Variants in FBXL18 observed in about 807,000 individuals in gnomAD.
FBXL18 encodes F-box and leucine rich repeat protein 18, also known as F-box/LRR-repeat protein 18.
FBXL18 carries 36 observed loss-of-function variants against 46.0 expected under a neutral mutation model. The ratio of observed to expected loss-of-function variants is 0.78; its 90% CI spans 0.60 to 1.03. FBXL18 has a LOEUF of 1.03. Ranked by LOEUF, FBXL18 falls within the 50% of genes least tolerant of loss-of-function variation. The probability of loss-of-function intolerance (pLI) is 0.00; values close to 1 mark genes in which losing one functional copy is unlikely to be tolerated. For synonymous variants in FBXL18, 557 were observed against 465.3 expected (o/e 1.20, Z -2.54); for missense variants, 977 against 1,004.1 (o/e 0.97, Z 0.36).
chr7:5,509,229 CCA>C (rs1223030468), intron 1 of FBXL18, among the ~76,000 whole-genome samples: 1 of 151,344 alleles, frequency 6.6e-6, no homozygotes, highest in East Asian at 1.9e-4. Flanking sequence ...CATATAGATT[CCA>C]CAGTTACACG....
rs766570461 is a variant in FBXL18 at position 5,501,876 on chromosome 7, G to A, written c.393C>T (p.Leu131=). The A allele has an allele frequency of 6.2e-7, 1 of 1,603,086 alleles. No homozygotes were observed. Among genetic ancestry groups the A allele is most frequent in the Non-Finnish European group, 8.5e-7 (1 of 1,175,984 alleles). Residue 131 remains leucine, a synonymous_variant, in exon 3 of 5, where the codon CTC becomes CTT. Transcript: ENST00000382368. ...LVKVNLSGCH[L]TSLRLSKMLS... Reference sequence around the variant, plus strand: ...GCATCTTGGAGAGGCGCAGGGAAGTGAGGTGGCAGCCCGAGAGGTTCACCT... The same window carrying A: ...GCATCTTGGAGAGGCGCAGGGAAGTAAGGTGGCAGCCCGAGAGGTTCACCT...
intron 4 of FBXL18, among the ~76,000 whole-genome samples, chr7:5,456,065 G>A (rs1157349671): frequency 2.6e-5 from 4 of 152,036 alleles, no homozygotes; most frequent in South Asian, 2.1e-4. Flanking sequence ...CCCAACCTCC[G>A]TTCTGCACTG....
At chr7:5,473,760 CAAAA>C (rs1195674210), downstream of FBXL18, among the ~76,000 whole-genome samples, 2 of 58,130 alleles carry the variant, frequency 3.4e-5, no homozygotes, top group Non-Finnish European at 3.6e-5. Flanking sequence ...GACTCCATCT[CAAAA>C]AAAAAAAAAA....
intron 4 of FBXL18, among the ~76,000 whole-genome samples, chr7:5,467,445 C>T (rs1001913984): frequency 1.3e-5 from 2 of 151,542 alleles, no homozygotes; most frequent in Non-Finnish European, 2.9e-5. Context: ...ACTCGGGAGG[C>T]TGAGGCAGGA....
rs59873304 is a variant in FBXL18, at chr7:5,476,891, GT to G, written c.*4883del. On this transcript the variant is annotated 3_prime_UTR_variant, in exon 5 of 5. Coordinates refer to ENST00000382368, the MANE Select transcript of FBXL18 (RefSeq NM_024963.6). Reference sequence around the variant, plus strand: ...CCCAGTAGATCTAGAAACTTCTTTTGTTTTTTTTTTTTTTGAGACGGAGTCT... The same window carrying G: ...CCCAGTAGATCTAGAAACTTCTTTTGTTTTTTTTTTTTTGAGACGGAGTCT... 81 of 138,382 alleles carry G rather than the reference GT, an allele frequency of 5.9e-4. No homozygotes were observed. The highest frequency in any genetic ancestry group is 3.9e-3 in the Middle Eastern group (1 of 256). 8.6% of individuals were successfully genotyped at this position (138,382 alleles called of 1,614,324 possible). A position where few individuals can be genotyped will look rare whatever the true frequency, so the allele number is the denominator to read the frequency against.
At chr7:5,464,638 G>A (rs529815993) in intron 4 of FBXL18, among the ~76,000 whole-genome samples, 57 of 139,654 alleles carry the variant, frequency 4.1e-4, no homozygotes, top group African/African-American at 1.4e-3. Flanking sequence ...ACTCTAGCCT[G>A]GGCCAATGAG....
intron 2 of FBXL18, among the ~76,000 whole-genome samples, 156 bp from the exon 3 acceptor site, chr7:5,502,187 G>A (rs1318863100): frequency 6.6e-6 from 1 of 151,268 alleles, no homozygotes; most frequent in Admixed American, 6.6e-5. Context: ...CTCTGACCTG[G>A]AGCCAAGAGT....
At chr7:5,472,190 C>T (rs567185675), downstream of FBXL18, among the ~76,000 whole-genome samples, 1 of 152,126 alleles carries the variant, frequency 6.6e-6, no homozygotes, top group Non-Finnish European at 1.5e-5. Flanking sequence ...ACCCCCAGCA[C>T]GCCCCTCAGC....
At position 5,483,605 on chromosome 7, in the gene FBXL18, A is replaced by G. The variant is rs1401827676; in HGVS notation, c.2001-1674T>C. On this transcript the variant is annotated intron_variant, in intron 4 of 4. Coordinates refer to ENST00000382368, the MANE Select transcript of FBXL18 (RefSeq NM_024963.6). ...ACTAATAATACAAAATTAGCCGGGC[A>G]TGGTGGTGCATGCCTGTAATCCCAG... 2.6e-5 allele frequency among the ~76,000 whole-genome samples: 4 copies of G among 151,934 alleles called. No individual in the cohort carries two copies. In the East Asian group the frequency reaches 5.8e-4, roughly 22 times the overall value.
chr7:5,470,950 G>A (rs939320315), downstream of FBXL18, among the ~76,000 whole-genome samples: 1 of 152,068 alleles, frequency 6.6e-6, no homozygotes, highest in Middle Eastern at 3.2e-3. Flanking sequence ...TCTGAGTAGG[G>A]ACTCCCCTCC....
chr7:5,465,240 G>A (rs923284174), intron 4 of FBXL18, among the ~76,000 whole-genome samples: 2 of 151,880 alleles, frequency 1.3e-5, no homozygotes, highest in African/African-American at 2.4e-5. Flanking sequence ...GTGCTCTGTC[G>A]CCCAGGCTGC....
chr7:5,511,657 A>G (rs1784536524), intron 1 of FBXL18, among the ~76,000 whole-genome samples: 1 of 151,416 alleles, frequency 6.6e-6, no homozygotes, highest in Non-Finnish European at 1.5e-5. Flanking sequence ...AGTCCCAGCT[A>G]CTTGAGAGGC....
intron 1 of FBXL18, among the ~76,000 whole-genome samples, chr7:5,507,463 G>A (rs1784421155): frequency 6.6e-6 from 1 of 152,090 alleles, no homozygotes; most frequent in African/African-American, 2.4e-5. Context: ...CAAAGGACAT[G>A]GCCCGTAAGG....
intron 1 of FBXL18, among the ~76,000 whole-genome samples, chr7:5,507,302 G>T (rs1282924254): frequency 6.6e-6 from 1 of 152,136 alleles, no homozygotes; most frequent in Non-Finnish European, 1.5e-5. Flanking sequence ...AACTCTGACT[G>T]CGACAGTCCT....
chr7:5,508,871 T>A (rs1421003005), intron 1 of FBXL18, among the ~76,000 whole-genome samples: 1 of 152,008 alleles, frequency 6.6e-6, no homozygotes, highest in Non-Finnish European at 1.5e-5. Context: ...AATGAGAACT[T>A]AGGGCAAAAC....
intron 4 of FBXL18, chr7:5,490,078 C>A: frequency 7.4e-7 from 1 of 1,359,396 alleles, no homozygotes; most frequent in Non-Finnish European, 9.8e-7. Flanking sequence ...CAGCGGCCGA[C>A]CGCAAGGACA....
intron 4 of FBXL18, among the ~76,000 whole-genome samples, chr7:5,458,087 C>T (rs1031478334): frequency 1.1e-4 from 16 of 148,632 alleles, no homozygotes; most frequent in African/African-American, 3.9e-4. Flanking sequence ...AAAAAAAAAA[C>T]AACCCCAAAA....
intron 1 of FBXL18, among the ~76,000 whole-genome samples, chr7:5,509,635 G>C (rs1195609947): frequency 1.3e-5 from 2 of 150,146 alleles, no homozygotes; most frequent in Non-Finnish European, 3.0e-5. Context: ...CTGGGAGGTG[G>C]AGTTTGCAGT....
At position 5,501,617 on chromosome 7, in the gene FBXL18, T is replaced by C. The variant is rs755404044; in HGVS notation, c.652A>G (p.Met218Val). The change falls in exon 3 of 5, where the codon ATG becomes GTG. Residue 218 changes from methionine to valine, a missense_variant. Met to Val is a conservative substitution (Grantham distance 21, BLOSUM62 1). Transcript: ENST00000382368. ...REGAILSGQL[M>V]VGQSNVPHYQ... ...TGCGGCACGTTGCTCTGGCCCACCATAAGCTGGCCCGAGAGGATGGCGCCC... is the reference window on the plus strand; with the variant it reads ...TGCGGCACGTTGCTCTGGCCCACCACAAGCTGGCCCGAGAGGATGGCGCCC... The C allele has an allele frequency of 6.2e-7, 1 of 1,613,740 alleles. No homozygotes were observed. Among genetic ancestry groups the C allele is most frequent in the East Asian group, 2.2e-5 (1 of 44,870 alleles).
Sources: allele counts gnomAD v4.1 joint callset (sites outside exome capture counted in the v4.1 genomes callset), GRCh38; gene constraint gnomAD v4.1.1; transcripts MANE v1.5; gene names NCBI Gene and HGNC (gene_info 2026-07-23, HGNC 2026-07-21).